Variants in ELMO1 observed in about 807,000 individuals in gnomAD.
ELMO1 encodes engulfment and cell motility 1, also known as engulfment and cell motility protein 1.
ELMO1 carries 26 observed loss-of-function variants against 98.9 expected under a neutral mutation model. That is an observed-to-expected ratio of 0.26 (90% CI 0.19 to 0.36). The LOEUF (loss-of-function observed/expected upper bound fraction) is 0.36, where lower values mean the gene tolerates loss of function less well. Among genes scored for constraint, ELMO1 ranks in the 10% least tolerant of loss-of-function variants. The pLI is 1.00. For missense variants in ELMO1, 627 were observed against 935.2 expected (o/e 0.67, Z 4.30); for synonymous variants, 346 against 346.0 (o/e 1.00, Z 0.00).
At chr7:37,166,290 C>T (rs1789684788) in intron 13 of ELMO1, among the ~76,000 whole-genome samples, 1 of 152,174 alleles carries the variant, frequency 6.6e-6, no homozygotes, top group South Asian at 2.1e-4. Context: ...AAAAAAGCAG[C>T]TCCTGGATTC....
rs376786120 is a variant in ELMO1 at position 37,246,734 on chromosome 7, TACA to T, written c.414-2346_414-2344del. Among the ~76,000 whole-genome samples the T allele has an allele frequency of 2.8e-3, 421 of 152,288 alleles. 3 individuals are homozygous for T. The highest frequency in any genetic ancestry group is 9.9e-3 in the African/African-American group (412 of 41,554). On this transcript the variant is annotated intron_variant, in intron 6 of 21. Coordinates refer to ENST00000310758, the MANE Select transcript of ELMO1 (RefSeq NM_014800.11). ...TAGTCCTGTTGGCTTTGAGTTATTT[TACA>T]ACGCTTTGTTAAGATGTAGGTAACT...
chr7:36,993,093 A>C (rs1791979736), intron 16 of ELMO1, among the ~76,000 whole-genome samples: 1 of 152,224 alleles, frequency 6.6e-6, no homozygotes, highest in Non-Finnish European at 1.5e-5. Context: ...GCAAGGAAGA[A>C]GAAGAAGAAA....
At chr7:37,002,515 T>G (rs1792752444) in intron 16 of ELMO1, among the ~76,000 whole-genome samples, 1 of 152,232 alleles carries the variant, frequency 6.6e-6, no homozygotes, top group Non-Finnish European at 1.5e-5. Context: ...CTTTGGCCAC[T>G]AATCAGTTTC....
At chr7:37,051,124 T>C (rs1364373) in intron 15 of ELMO1, among the ~76,000 whole-genome samples, 36,916 of 152,138 alleles carry the variant, frequency 0.24, 5,395 homozygotes, top group African/African-American at 0.41. Flanking sequence ...ATATTGTTTT[T>C]GTTCAGAATA....
intron 4 of ELMO1, among the ~76,000 whole-genome samples, chr7:37,293,715 T>TTA (rs1554290696): frequency 3.0e-5 from 2 of 65,582 alleles, no homozygotes; most frequent in African/African-American, 5.1e-5. Context: ...GAATGATCAA[T>TTA]AAAAAAAAAA....
intron 1 of ELMO1, among the ~76,000 whole-genome samples, chr7:37,382,614 T>G (rs556363437): frequency 2.0e-5 from 3 of 152,198 alleles, no homozygotes; most frequent in African/African-American, 7.2e-5. Flanking sequence ...TGCATCAGGA[T>G]GGACCTGCAC....
intron 1 of ELMO1, among the ~76,000 whole-genome samples, chr7:37,362,563 T>C (rs1429150510): frequency 6.6e-6 from 1 of 152,150 alleles, no homozygotes; most frequent in Non-Finnish European, 1.5e-5. Flanking sequence ...ACATTTTAAA[T>C]GTATATCCTG....
At position 37,437,941 on chromosome 7, in the gene ELMO1, C is replaced by T. The variant is rs1360776078; in HGVS notation, c.-74+10734G>A. 2.8e-4 allele frequency among the ~76,000 whole-genome samples: 3 copies of T among 10,590 alleles called. No individual in the cohort carries two copies. In the Admixed American group the frequency reaches 3.6e-3, roughly 13 times the overall value. 6.9% of individuals were successfully genotyped at this position (10,590 alleles called of 152,430 possible). A position where few individuals can be genotyped will look rare whatever the true frequency, so the allele number is the denominator to read the frequency against. On this transcript the variant is annotated intron_variant, in intron 1 of 21. Coordinates refer to ENST00000310758, the MANE Select transcript of ELMO1 (RefSeq NM_014800.11). ...TGAGCCGAGATTGCGCCACTGCAGT[C>T]CGCAGTCCGGCCTGGGCGACAGAGC...
intron 11 of ELMO1, among the ~76,000 whole-genome samples, 196 bp from the exon 12 acceptor site, chr7:37,213,653 G>C (rs6462742): frequency 6.6e-6 from 1 of 151,850 alleles, no homozygotes; most frequent in Non-Finnish European, 1.5e-5. Flanking sequence ...CAGGTCACAG[G>C]CCATGAAAAA....
chr7:37,329,108 T>C (rs937432282), intron 2 of ELMO1, among the ~76,000 whole-genome samples: 3 of 152,232 alleles, frequency 2.0e-5, no homozygotes, highest in African/African-American at 7.2e-5. Context: ...GCATTTTGGG[T>C]TGAAGATACA....
chr7:36,967,557 C>T (rs945191469), intron 16 of ELMO1, among the ~76,000 whole-genome samples: 3 of 152,096 alleles, frequency 2.0e-5, no homozygotes, highest in Admixed American at 2.0e-4. Context: ...GAGGGTGCTG[C>T]TGACCACTTC....
intron 20 of ELMO1, among the ~76,000 whole-genome samples, chr7:36,867,382 C>T (rs1562782380): frequency 1.3e-5 from 2 of 152,162 alleles, no homozygotes; most frequent in African/African-American, 2.4e-5. Flanking sequence ...ATCATCTCCA[C>T]ATCTGTTATA....
chr7:37,170,075 T>C (rs1292029980), intron 13 of ELMO1, among the ~76,000 whole-genome samples: 1 of 152,142 alleles, frequency 6.6e-6, no homozygotes, highest in African/African-American at 2.4e-5. Flanking sequence ...CTAATTTTTT[T>C]TGTATTTTTA....
rs114467595 is a variant in ELMO1 at position 37,378,089 on chromosome 7, A to G, written c.-73-35326T>C. Among the ~76,000 whole-genome samples, 523 of 152,320 alleles carry G rather than the reference A, an allele frequency of 3.4e-3. 3 individuals carry two copies. The highest frequency in any genetic ancestry group is 0.012 in the African/African-American group (501 of 41,582). On this transcript the variant is annotated intron_variant, in intron 1 of 21. Coordinates refer to ENST00000310758, the MANE Select transcript of ELMO1 (RefSeq NM_014800.11). ...TCCCAAAGATGGGAGGAGAAGTCAG[A>G]AGTACAACCCAAGTTCAGAAACAAA... is the stretch of plus-strand genomic sequence containing the variant.
At chr7:37,401,972 T>C (rs575148812) in intron 1 of ELMO1, among the ~76,000 whole-genome samples, 3 of 152,358 alleles carry the variant, frequency 2.0e-5, no homozygotes, top group Non-Finnish European at 4.4e-5. Context: ...TGTCCAATCA[T>C]ACATCTCTAA....
At chr7:37,437,763 A>T (rs1805210945) in intron 1 of ELMO1, among the ~76,000 whole-genome samples, 1 of 14,644 alleles carries the variant, frequency 6.8e-5, no homozygotes. Context: ...AGGTCAGGAG[A>T]TCGAGACCAT....
At chr7:37,385,831 C>A (rs1657505960) in intron 1 of ELMO1, among the ~76,000 whole-genome samples, 1 of 152,202 alleles carries the variant, frequency 6.6e-6, no homozygotes, top group South Asian at 2.1e-4. Context: ...GCAGAACCGC[C>A]CCTAGAGCTT....
At chr7:37,260,171 A>G (rs910791698) in intron 5 of ELMO1, among the ~76,000 whole-genome samples, 4 of 152,342 alleles carry the variant, frequency 2.6e-5, no homozygotes, top group Admixed American at 2.0e-4. Flanking sequence ...AAGGAATAAA[A>G]TGTTCTGCCT....
chr7:37,040,635 C>T (rs372544541), intron 15 of ELMO1, among the ~76,000 whole-genome samples: 3 of 152,256 alleles, frequency 2.0e-5, no homozygotes, highest in South Asian at 2.1e-4. Context: ...ATATGTTTCA[C>T]GCACAATGTT....
Sources: allele counts gnomAD v4.1 joint callset (sites outside exome capture counted in the v4.1 genomes callset), GRCh38; gene constraint gnomAD v4.1.1; transcripts MANE v1.5; gene names NCBI Gene and HGNC (gene_info 2026-07-23, HGNC 2026-07-21).